Variants in SLC9A9 observed in about 807,000 individuals in gnomAD.
SLC9A9 encodes sodium/hydrogen exchanger 9.
A neutral mutation model predicts 77.8 loss-of-function variants in SLC9A9; 62 were observed. That is an observed-to-expected ratio of 0.80 (90% CI 0.65 to 0.98). SLC9A9 has a LOEUF of 0.98. Ranked by LOEUF, SLC9A9 falls within the 50% of genes least tolerant of loss-of-function variation. The probability of loss-of-function intolerance (pLI) is 0.00; values close to 1 mark genes in which losing one functional copy is unlikely to be tolerated. For missense variants in SLC9A9, 775 were observed against 774.9 expected (o/e 1.00, Z 0.00); for synonymous variants, 320 against 283.5 (o/e 1.13, Z -1.29).
intron 9 of SLC9A9, among the ~76,000 whole-genome samples, chr3:143,507,172 G>A (rs2036035973): frequency 6.6e-6 from 1 of 151,618 alleles, no homozygotes; most frequent in Non-Finnish European, 1.5e-5. Context: ...CCCGACACAT[G>A]TACAGCCTCT....
At chr3:143,383,217 C>T (rs1286008758) in intron 12 of SLC9A9, among the ~76,000 whole-genome samples, 1 of 152,164 alleles carries the variant, frequency 6.6e-6, no homozygotes, top group Admixed American at 6.5e-5. Context: ...GTTTTTCCTC[C>T]ACTACCCACA....
intron 12 of SLC9A9, among the ~76,000 whole-genome samples, chr3:143,464,406 T>C (rs905854281): frequency 6.6e-6 from 1 of 152,226 alleles, no homozygotes; most frequent in African/African-American, 2.4e-5. Flanking sequence ...TGCAAGTTAG[T>C]GTGTATTTGT....
rs1379779891 is a variant in SLC9A9 at position 143,526,675 on chromosome 3, G to A, written c.1089+25687C>T. 2.6e-5 allele frequency among the ~76,000 whole-genome samples: 4 copies of A among 152,154 alleles called. No homozygotes were observed. In the East Asian group the frequency reaches 7.7e-4, roughly 29 times the overall value. On this transcript the variant is annotated intron_variant, in intron 9 of 15. Transcript: ENST00000316549. ...ACAATTTATTCAACTTCAATTTGCT[G>A]AGAGGAAAAACCTCCTATTCTCTAA...
At chr3:143,517,919 G>A (rs1160513681) in intron 9 of SLC9A9, 14 of 1,503,068 alleles carry the variant, frequency 9.3e-6, no homozygotes, top group African/African-American at 2.8e-5. Context: ...CGTTATCTCC[G>A]CATTTTCATC....
intron 4 of SLC9A9, among the ~76,000 whole-genome samples, chr3:143,739,189 C>T (rs1272933486): frequency 2.0e-5 from 3 of 152,128 alleles, no homozygotes; most frequent in Non-Finnish European, 4.4e-5. Flanking sequence ...CGAGTCACCT[C>T]ATTACTGTAA....
rs116764267 is a variant in SLC9A9, at chr3:143,735,881, G to A, written c.534-42574C>T. ...AGCAAGCTACTTAGCCTCTCTAAGC[G>A]TTAATTTTTTTCAATGGTAATTGTA... On this transcript the variant is annotated intron_variant, in intron 4 of 15. Coordinates refer to ENST00000316549, the MANE Select transcript of SLC9A9 (RefSeq NM_173653.4). Among the ~76,000 whole-genome samples the A allele has an allele frequency of 6.6e-3, 1,010 of 152,220 alleles. 11 individuals carry two copies. Among genetic ancestry groups the A allele is most frequent in the African/African-American group, 0.023 (939 of 41,510 alleles).
intron 14 of SLC9A9, among the ~76,000 whole-genome samples, chr3:143,346,769 G>A (rs1343931589): frequency 6.6e-6 from 1 of 152,000 alleles, no homozygotes; most frequent in East Asian, 1.9e-4. Flanking sequence ...CTCCAGCCTG[G>A]GCAACAAGAG....
At chr3:143,411,533 G>A (rs945361862) in intron 12 of SLC9A9, among the ~76,000 whole-genome samples, 13 of 152,150 alleles carry the variant, frequency 8.5e-5, no homozygotes, top group African/African-American at 2.2e-4. Flanking sequence ...TCCAGAACAC[G>A]AACTCTATTC....
At chr3:143,407,733 G>A (rs2034009578) in intron 12 of SLC9A9, among the ~76,000 whole-genome samples, 2 of 152,150 alleles carry the variant, frequency 1.3e-5, no homozygotes, top group Admixed American at 1.3e-4. Context: ...GAAAAGTGAT[G>A]GTCAGGATAG....
intron 9 of SLC9A9, among the ~76,000 whole-genome samples, chr3:143,499,695 T>C (rs2035896890): frequency 6.6e-6 from 1 of 152,164 alleles, no homozygotes; most frequent in Admixed American, 6.5e-5. Context: ...TCTTTGTTTT[T>C]TTCCCAATCT....
intron 9 of SLC9A9, among the ~76,000 whole-genome samples, chr3:143,500,898 A>T (rs1177839489): frequency 6.6e-6 from 1 of 150,498 alleles, no homozygotes; most frequent in Non-Finnish European, 1.5e-5. Context: ...GAACAAAATA[A>T]GAGTTTTATA....
chr3:143,289,567 G>A (rs917693187), intron 14 of SLC9A9, among the ~76,000 whole-genome samples: 2 of 152,016 alleles, frequency 1.3e-5, no homozygotes, highest in African/African-American at 4.8e-5. Flanking sequence ...TCAAGCATGG[G>A]TGCTACCTCC....
intron 14 of SLC9A9, among the ~76,000 whole-genome samples, chr3:143,330,959 A>G (rs935072144): frequency 6.6e-6 from 1 of 152,242 alleles, no homozygotes; most frequent in Non-Finnish European, 1.5e-5. Context: ...AAATGAGTAA[A>G]TCACAAGGAA....
chr3:143,557,132 G>GAT (rs1354688628), intron 8 of SLC9A9, among the ~76,000 whole-genome samples: 3 of 152,158 alleles, frequency 2.0e-5, no homozygotes, highest in African/African-American at 7.2e-5. Context: ...CTGTTCTCAT[G>GAT]ATAGTGAGTG....
At chr3:143,832,713 C>CT (rs11425360) in intron 1 of SLC9A9, among the ~76,000 whole-genome samples, 8,768 of 141,710 alleles carry the variant, frequency 0.062, 613 homozygotes, top group African/African-American at 0.17. Flanking sequence ...CAATATAGTT[C>CT]TTTTTTTTTT....
rs2037350458 is a variant in SLC9A9, at chr3:143,575,915, CTGT to C, written c.895-1725_895-1723del. ...CCTTCATAGCCTGTGTCTGTAGAGCCTGTTGAAGACCACCAAATACTGCACGAT... is the reference window on the plus strand; with the variant it reads ...CCTTCATAGCCTGTGTCTGTAGAGCCTGAAGACCACCAAATACTGCACGAT... On this transcript the variant is annotated intron_variant, in intron 7 of 15. Coordinates refer to ENST00000316549, the MANE Select transcript of SLC9A9 (RefSeq NM_173653.4). Among the ~76,000 whole-genome samples the C allele has an allele frequency of 2.0e-5, 3 of 152,100 alleles. No homozygotes were observed. The South Asian group carries it at 6.2e-4, about 32-fold the overall frequency.
At chr3:143,620,987 GGGTCCTATGC>G in intron 6 of SLC9A9, among the ~76,000 whole-genome samples, 1 of 152,314 alleles carries the variant, frequency 6.6e-6, no homozygotes, top group African/African-American at 2.4e-5. Context: ...CTGGCTCAGA[GGGTCCTATGC>G]CCATGGAGCC....
chr3:143,702,448 A>G (rs1199706856), intron 4 of SLC9A9, among the ~76,000 whole-genome samples: 1 of 152,076 alleles, frequency 6.6e-6, no homozygotes, highest in Non-Finnish European at 1.5e-5. Context: ...GAGTTTTTAT[A>G]GGCTCTCTTT....
rs189742256 is a variant in SLC9A9, at chr3:143,445,184, A to G, written c.1469+21853T>C. Among the ~76,000 whole-genome samples, 298 of 152,166 alleles carry G rather than the reference A, an allele frequency of 2.0e-3. 4 individuals carry two copies. The highest frequency in any genetic ancestry group is 7.0e-3 in the African/African-American group (291 of 41,532). ...GTAGGAACTTCTCAAGCTGTGGCTC[A>G]CTCTGCTGTTGTAGACCACTTCAGC... On this transcript the variant is annotated intron_variant, in intron 12 of 15. Coordinates refer to ENST00000316549, the MANE Select transcript of SLC9A9 (RefSeq NM_173653.4).
Sources: gnomAD v4.1 joint callset for allele counts (sites outside exome capture counted in the v4.1 genomes callset) on GRCh38, gnomAD v4.1.1 for gene constraint, MANE v1.5 for transcripts, NCBI Gene and HGNC (gene_info 2026-07-23, HGNC 2026-07-21) for gene names.